The following DSCAM variants were observed in gnomAD, a reference collection of about 807,000 sequenced individuals.
The protein encoded by DSCAM is DS cell adhesion molecule.
Under a neutral mutation model 217.7 loss-of-function variants are expected in DSCAM, and 47 were observed. The observed-to-expected ratio is 0.22, with a 90% confidence interval of 0.17 to 0.28. The LOEUF (loss-of-function observed/expected upper bound fraction) is 0.28, where lower values mean the gene tolerates loss of function less well. Ranked by LOEUF, DSCAM falls within the 10% of genes least tolerant of loss-of-function variation. The pLI is 1.00. For synonymous variants in DSCAM, 1,056 were observed against 1,015.3 expected, an observed-to-expected ratio of 1.04 and a Z score of -0.76; for missense variants, 2,080 against 2,618.3, an observed-to-expected ratio of 0.79 and a Z score of 4.49.
chr21:40,448,144 A>G (rs1601651872), intron 3 of DSCAM, among the ~76,000 whole-genome samples: 1 of 152,330 alleles, frequency 6.6e-6, no homozygotes, highest in East Asian at 1.9e-4. Flanking sequence ...AGGGATGCCC[A>G]GATAGCTGGT....
chr21:40,361,806 C>A (rs182661411), intron 4 of DSCAM, among the ~76,000 whole-genome samples: 1 of 152,300 alleles, frequency 6.6e-6, no homozygotes, highest in East Asian at 1.9e-4. Context: ...TCAAAAGTGG[C>A]TAGCTTTTAA....
At chr21:40,061,536 T>G (rs1310437638) in intron 28 of DSCAM, among the ~76,000 whole-genome samples, 2 of 140,836 alleles carry the variant, frequency 1.4e-5, no homozygotes, top group African/African-American at 5.4e-5. Context: ...ACCATTGCAC[T>G]CCAGCCTGGG....
chr21:40,369,385 C>CGTGT (rs35564463), intron 3 of DSCAM, 140 bp from the exon 4 acceptor site: 30,576 of 383,822 alleles, frequency 0.08, 784 homozygotes, highest in East Asian at 0.16. Flanking sequence ...CGTGCGTCTG[C>CGTGT]GTGTGTGTGT....
At chr21:40,757,965 G>A (rs2091292257) in intron 1 of DSCAM, among the ~76,000 whole-genome samples, 1 of 152,182 alleles carries the variant, frequency 6.6e-6, no homozygotes, top group Non-Finnish European at 1.5e-5. Flanking sequence ...CTTTGTAGAT[G>A]TCATCAAATT....
chr21:40,700,696 T>C (rs1172989705), intron 2 of DSCAM, among the ~76,000 whole-genome samples: 1 of 151,978 alleles, frequency 6.6e-6, no homozygotes, highest in Non-Finnish European at 1.5e-5. Context: ...CTCAATTTTC[T>C]GGAAGAATTT....
At position 40,338,185 on chromosome 21, in the gene DSCAM, C is replaced by G. The variant is rs749177060; in HGVS notation, c.1699G>C (p.Glu567Gln). 3.7e-6 allele frequency: 6 copies of G among 1,614,252 alleles called. No individual in the cohort carries two copies. The highest frequency in any genetic ancestry group is 5.1e-6 in the Non-Finnish European group (6 of 1,180,050). Residue 567 changes from glutamate to glutamine, a missense_variant, in exon 8 of 33, where the codon GAA (glutamate) becomes CAA (glutamine). This residue lies in a region of DSCAM where 218 missense variants were observed against 364.1 expected (regional missense o/e 0.60). Transcript: ENST00000400454. ...CACGTGTACTCCCCCTCGTCCACTT[C>G]CTTTTGCACATCTGAAAGTTTAAGA... ...GTLKLSDVQK[E>Q]VDEGEYTCNV...
intron 3 of DSCAM, among the ~76,000 whole-genome samples, chr21:40,602,725 T>C (rs1371374137): frequency 6.6e-6 from 1 of 152,196 alleles, no homozygotes; most frequent in Non-Finnish European, 1.5e-5. Context: ...TTCTTTTTGC[T>C]TGATAGCCAG....
intron 3 of DSCAM, among the ~76,000 whole-genome samples, chr21:40,627,868 A>G (rs1057466366): frequency 2.6e-5 from 4 of 152,180 alleles, no homozygotes; most frequent in Admixed American, 2.0e-4. Context: ...TAAGCATGCC[A>G]TAACTACTCT....
chr21:40,834,030 G>A lies in DSCAM; in HGVS notation c.43+12589C>T, dbSNP rs557164648. Among the ~76,000 whole-genome samples, 9 of 152,172 alleles carry A rather than the reference G, an allele frequency of 5.9e-5. No homozygotes were observed. The South Asian group carries it at 8.3e-4, about 14-fold the overall frequency. ...CTCTGTGGGTGCAAAATTGCCCTCC[G>A]TTAAGAACCACTGAAGAACACAGCT... On this transcript the variant is annotated intron_variant, in intron 1 of 32. Transcript: ENST00000400454.
At chr21:40,486,382 T>A (rs78931098) in intron 3 of DSCAM, among the ~76,000 whole-genome samples, 7,582 of 152,094 alleles carry the variant, frequency 0.05, 241 homozygotes, top group East Asian at 0.11. Context: ...CCAACCATTG[T>A]AAACTCAGAT....
chr21:40,360,117 G>C (rs920664640), intron 4 of DSCAM, among the ~76,000 whole-genome samples: 5 of 133,906 alleles, frequency 3.7e-5, no homozygotes, highest in Non-Finnish European at 6.2e-5. Context: ...GTACTTCATA[G>C]GTAGTCTTTT....
At chr21:40,794,906 CTT>C (rs1386776665) in intron 1 of DSCAM, among the ~76,000 whole-genome samples, 1 of 141,896 alleles carries the variant, frequency 7.0e-6, no homozygotes, top group Non-Finnish European at 1.5e-5. Flanking sequence ...AAAAGTACCT[CTT>C]AGTAAAGTGA....
chr21:40,521,814 C>T (rs80349595), intron 3 of DSCAM, among the ~76,000 whole-genome samples: 15,596 of 152,066 alleles, frequency 0.1, 997 homozygotes, highest in Non-Finnish European at 0.14. Context: ...CAGTCAACAA[C>T]AAGGTACGCA....
intron 26 of DSCAM, among the ~76,000 whole-genome samples, chr21:40,077,777 C>A (rs2089388770): frequency 6.6e-6 from 1 of 152,216 alleles, no homozygotes; most frequent in African/African-American, 2.4e-5. Context: ...ACTCATTCAA[C>A]ACTGTGGTCT....
intron 3 of DSCAM, among the ~76,000 whole-genome samples, chr21:40,634,321 AGAGCT>A (rs2089728004): frequency 6.6e-6 from 1 of 152,224 alleles, no homozygotes; most frequent in African/African-American, 2.4e-5. Flanking sequence ...CAGTAGGCAT[AGAGCT>A]GGCATCAGCC....
Position 40,701,427 on chromosome 21 carries a change from T to C in DSCAM, c.361+7027A>G, listed in dbSNP as rs546746281. On this transcript the variant is annotated intron_variant, in intron 2 of 32. Coordinates refer to ENST00000400454, the MANE Select transcript of DSCAM (RefSeq NM_001389.5). ...TTGTTTCTTTCTGTTCTATAATTTA[T>C]TGATCTCCATTCTGATCTTCATTGT... Among the ~76,000 whole-genome samples the C allele has an allele frequency of 5.3e-5, 8 of 152,298 alleles. No individual in the cohort carries two copies. In the South Asian group the frequency reaches 8.3e-4, roughly 16 times the overall value.
intron 4 of DSCAM, among the ~76,000 whole-genome samples, chr21:40,358,231 T>G (rs1227400396): frequency 6.6e-6 from 1 of 152,210 alleles, no homozygotes; most frequent in Non-Finnish European, 1.5e-5. Context: ...TTGGCAGAAA[T>G]TTCTCAAATA....
At chr21:40,733,494 C>A (rs1308087955) in intron 1 of DSCAM, among the ~76,000 whole-genome samples, 1 of 152,092 alleles carries the variant, frequency 6.6e-6, no homozygotes, top group African/African-American at 2.4e-5. Flanking sequence ...GAGTAGAGGC[C>A]AGGGATGTGG....
chr21:40,393,472 A>AT (rs1025452613), intron 3 of DSCAM, among the ~76,000 whole-genome samples: 6 of 152,316 alleles, frequency 3.9e-5, no homozygotes, highest in South Asian at 2.1e-4. Flanking sequence ...TTATAGGCAT[A>AT]TTTTTTTAAA....
Sources: allele counts gnomAD v4.1 joint callset (sites outside exome capture counted in the v4.1 genomes callset), GRCh38; gene constraint gnomAD v4.1.1; regional missense constraint gnomAD v4.1.1; transcripts MANE v1.5; gene names NCBI Gene and HGNC (gene_info 2026-07-23, HGNC 2026-07-21).